CSMD1: variants seen among roughly 807,000 people sequenced by gnomAD.
The protein encoded by CSMD1 is CUB and sushi domain-containing protein 1.
In CSMD1, 213 loss-of-function variants were observed where a neutral mutation model predicts 417.5. The observed-to-expected ratio is 0.51, with a 90% CI of 0.46 to 0.57. CSMD1 has a LOEUF of 0.57. CSMD1 is among the 20% of genes least tolerant of loss of function. The probability of loss-of-function intolerance (pLI) is 0.00; values close to 1 mark genes in which losing one functional copy is unlikely to be tolerated. For synonymous variants in CSMD1, 2,862 were observed against 1,736.8 expected (o/e 1.65, Z -16.11); for missense variants, 6,923 against 4,529.7 (o/e 1.53, Z -15.17).
At chr8:4,198,123 G>A (rs1052303220) in intron 3 of CSMD1, among the ~76,000 whole-genome samples, 5 of 152,234 alleles carry the variant, frequency 3.3e-5, no homozygotes, top group African/African-American at 9.6e-5. Context: ...ACGGGAGAAG[G>A]TTCTTTGAGT....
At chr8:3,291,635 T>C (rs1304536881) in intron 25 of CSMD1, among the ~76,000 whole-genome samples, 1 of 152,236 alleles carries the variant, frequency 6.6e-6, no homozygotes, top group South Asian at 2.1e-4. Flanking sequence ...TAGTATTCTC[T>C]GATGGTAGTT....
intron 26 of CSMD1, among the ~76,000 whole-genome samples, chr8:3,268,989 A>T (rs1801641776): frequency 6.6e-6 from 1 of 152,226 alleles, no homozygotes; most frequent in Admixed American, 6.5e-5. Context: ...ATCCTCAAGA[A>T]TAGGAGAAGT....
intron 5 of CSMD1, among the ~76,000 whole-genome samples, chr8:3,825,443 C>T (rs1385611644): frequency 3.3e-5 from 5 of 152,052 alleles, no homozygotes; most frequent in South Asian, 2.1e-4. Flanking sequence ...GCAGTAGAAT[C>T]GCTTGAACCT....
chr8:3,623,563 C>T (rs1319058153), intron 7 of CSMD1, among the ~76,000 whole-genome samples: 2 of 152,140 alleles, frequency 1.3e-5, no homozygotes, highest in African/African-American at 4.8e-5. Flanking sequence ...TATGTGTTTG[C>T]TAGAAACTCT....
chr8:4,918,845 T>C (rs1806241060), intron 1 of CSMD1, among the ~76,000 whole-genome samples: 1 of 152,214 alleles, frequency 6.6e-6, no homozygotes, highest in South Asian at 2.1e-4. Context: ...ATATATATTG[T>C]TCATATAATC....
intron 5 of CSMD1, among the ~76,000 whole-genome samples, chr8:3,831,699 C>T (rs1368806205): frequency 6.6e-6 from 1 of 152,010 alleles, no homozygotes; most frequent in Non-Finnish European, 1.5e-5. Flanking sequence ...GTTTGGAATG[C>T]CAATGAATTT....
rs77681907 is a variant in CSMD1, at chr8:3,553,124, G to C, written c.1344+21821C>G. On this transcript the variant is annotated intron_variant, in intron 10 of 69. Transcript: ENST00000635120. ...CTAAAAAATAAATTGTGGACAAGGA[G>C]AAAAAAAAAAAGAAAGGAAAGACCT... Among the ~76,000 whole-genome samples, 455 of 146,426 alleles carry C rather than the reference G, an allele frequency of 3.1e-3. 1 individual carries two copies. The highest frequency in any genetic ancestry group is 0.011 in the African/African-American group (436 of 39,620).
intron 3 of CSMD1, among the ~76,000 whole-genome samples, chr8:4,269,027 G>T (rs564044072): frequency 6.6e-6 from 1 of 152,172 alleles, no homozygotes; most frequent in African/African-American, 2.4e-5. Context: ...ACACAATGAG[G>T]TGCATTTTCC....
At chr8:3,068,712 G>C (rs1035969323) in intron 49 of CSMD1, among the ~76,000 whole-genome samples, 2 of 152,058 alleles carry the variant, frequency 1.3e-5, no homozygotes, top group African/African-American at 4.8e-5. Flanking sequence ...AGTTGAGGGG[G>C]AAGTGCCACA....
chr8:3,379,697 G>A (rs181139720), intron 18 of CSMD1, among the ~76,000 whole-genome samples: 1,836 of 152,276 alleles, frequency 0.012, 15 homozygotes, highest in Middle Eastern at 0.017. Context: ...CTAGCCATAT[G>A]CAGAAAACTG....
At chr8:4,418,209 A>G (rs1364865714) in intron 3 of CSMD1, among the ~76,000 whole-genome samples, 1 of 152,116 alleles carries the variant, frequency 6.6e-6, no homozygotes, top group Non-Finnish European at 1.5e-5. Flanking sequence ...TCGAAATACC[A>G]CAAAATCATT....
At chr8:3,460,407 G>C (rs1232835839) in intron 12 of CSMD1, among the ~76,000 whole-genome samples, 2 of 152,198 alleles carry the variant, frequency 1.3e-5, no homozygotes, top group Non-Finnish European at 2.9e-5. Context: ...AGAATATTCT[G>C]TGGACCCTGG....
chr8:4,128,520 C>A (rs1802899786), intron 3 of CSMD1, among the ~76,000 whole-genome samples: 2 of 152,180 alleles, frequency 1.3e-5, no homozygotes, highest in Admixed American at 1.3e-4. Context: ...ATTGCTTACT[C>A]AAACCCCCTC....
At chr8:4,764,337 C>G (rs1375443432) in intron 1 of CSMD1, among the ~76,000 whole-genome samples, 1 of 152,038 alleles carries the variant, frequency 6.6e-6, no homozygotes, top group African/African-American at 2.4e-5. Flanking sequence ...AAATTTAGAA[C>G]CTAGAAATTA....
intron 3 of CSMD1, among the ~76,000 whole-genome samples, chr8:4,175,353 CT>C (rs1797983981): frequency 6.6e-6 from 1 of 152,114 alleles, no homozygotes; most frequent in South Asian, 2.1e-4. Context: ...TTTCTAAATA[CT>C]TTTTAACAGT....
At chr8:3,705,737 G>C (rs1331313107) in intron 7 of CSMD1, among the ~76,000 whole-genome samples, 1 of 152,168 alleles carries the variant, frequency 6.6e-6, no homozygotes, top group Admixed American at 6.5e-5. Context: ...TGCAAGAGAG[G>C]TTTGTGTGCT....
intron 23 of CSMD1, among the ~76,000 whole-genome samples, chr8:3,318,793 C>G (rs912872285): frequency 1.3e-5 from 2 of 152,110 alleles, no homozygotes; most frequent in African/African-American, 4.8e-5. Context: ...CAGGGCAGCC[C>G]ACACACACAG....
chr8:4,007,968 T>G (rs937053615), intron 4 of CSMD1, among the ~76,000 whole-genome samples: 1 of 152,200 alleles, frequency 6.6e-6, no homozygotes, highest in Non-Finnish European at 1.5e-5. Context: ...AGATAAAAAT[T>G]AATTACCAAA....
intron 2 of CSMD1, among the ~76,000 whole-genome samples, chr8:4,446,753 GT>G (rs1798824670): frequency 9.8e-6 from 1 of 102,174 alleles, no homozygotes; most frequent in Admixed American, 1.1e-4. Flanking sequence ...GTGTGTGTGT[GT>G]CTGTGTGTGT....
Sources: gnomAD v4.1 joint callset for allele counts (sites outside exome capture counted in the v4.1 genomes callset) on GRCh38, gnomAD v4.1.1 for gene constraint, MANE v1.5 for transcripts, NCBI Gene and HGNC (gene_info 2026-07-23, HGNC 2026-07-21) for gene names.